The following KIAA1217 variants were observed in gnomAD, a reference collection of about 807,000 sequenced individuals.
The protein encoded by KIAA1217 is KIAA1217, also known as sickle tail protein homolog.
KIAA1217 carries 88 observed loss-of-function variants against 163.9 expected under a neutral mutation model. The observed-to-expected ratio is 0.54, with a 90% CI of 0.45 to 0.64. KIAA1217 has a LOEUF of 0.64. Among genes scored for constraint, KIAA1217 ranks in the 30% least tolerant of loss-of-function variants. KIAA1217 has a pLI of 0.00. For missense variants in KIAA1217, 2,372 were observed against 2,475.0 expected (o/e 0.96, Z 0.88); for synonymous variants, 903 against 923.1 (o/e 0.98, Z 0.39).
At chr10:23,933,412 C>T (rs1843339114) in intron 1 of KIAA1217, among the ~76,000 whole-genome samples, 1 of 152,184 alleles carries the variant, frequency 6.6e-6, no homozygotes, top group South Asian at 2.1e-4. Flanking sequence ...GAGCAGGGCT[C>T]CTACCTCTCC....
intron 2 of KIAA1217, among the ~76,000 whole-genome samples, chr10:24,187,638 C>T (rs2066500525): frequency 6.6e-6 from 1 of 152,176 alleles, no homozygotes. Flanking sequence ...CGCCTATAAT[C>T]CCAGCACTTT....
intron 2 of KIAA1217, among the ~76,000 whole-genome samples, chr10:24,038,039 C>A (rs952389819): frequency 5.3e-5 from 8 of 152,306 alleles, no homozygotes; most frequent in African/African-American, 1.7e-4. Context: ...AACCTCTCTT[C>A]TTTATTTCTG....
chr10:24,370,035 G>T (rs1353596316), intron 2 of KIAA1217, among the ~76,000 whole-genome samples: 2 of 152,052 alleles, frequency 1.3e-5, no homozygotes, highest in African/African-American at 4.8e-5. Context: ...GGAGGCCGAG[G>T]CAGGTAGATC....
chr10:24,509,903 G>A (rs1314134052), intron 9 of KIAA1217, among the ~76,000 whole-genome samples: 3 of 152,056 alleles, frequency 2.0e-5, no homozygotes, highest in Non-Finnish European at 4.4e-5. Context: ...CATTATAAAG[G>A]TCTTCATCCT....
At chr10:23,843,888 AT>A (rs1209898619) in intron 1 of KIAA1217, among the ~76,000 whole-genome samples, 1 of 152,134 alleles carries the variant, frequency 6.6e-6, no homozygotes, top group Non-Finnish European at 1.5e-5. Flanking sequence ...GGGTCTTAAC[AT>A]TCCGTAAATA....
intron 1 of KIAA1217, among the ~76,000 whole-genome samples, chr10:23,958,817 A>G (rs11013813): frequency 0.15 from 23,245 of 151,682 alleles, 3,900 homozygotes; most frequent in African/African-American, 0.42. Context: ...ATTTCTTGCT[A>G]TCTTTCATCT....
rs564992316 is a variant in KIAA1217, at chr10:24,421,714, A to G, written c.554-11281A>G. ...GTGTGTTGGATTTTTCTTAACATTT[A>G]GCTGACTCTGTTAAGATAAGTGTAT... On this transcript the variant is annotated intron_variant, in intron 3 of 20. Transcript: ENST00000376454. Among the ~76,000 whole-genome samples, 9 of 152,200 alleles carry G rather than the reference A, an allele frequency of 5.9e-5. No homozygotes were observed. In the South Asian group the frequency reaches 1.9e-3, roughly 32 times the overall value.
At chr10:24,269,065 G>C (rs1461258134) in intron 2 of KIAA1217, among the ~76,000 whole-genome samples, 4 of 115,650 alleles carry the variant, frequency 3.5e-5, no homozygotes, top group South Asian at 3.7e-4. Context: ...GTGGTGGGGT[G>C]GGGGGAGGGG....
chr10:23,808,108 A>C (rs1033618347), intron 1 of KIAA1217, among the ~76,000 whole-genome samples: 1 of 152,242 alleles, frequency 6.6e-6, no homozygotes, highest in Non-Finnish European at 1.5e-5. Context: ...GATTTATACT[A>C]TCTATGTGGT....
chr10:23,934,060 A>C (rs114186952), intron 1 of KIAA1217, among the ~76,000 whole-genome samples: 6,013 of 152,260 alleles, frequency 0.039, 388 homozygotes, highest in African/African-American at 0.14. Context: ...AGAACTATAA[A>C]TCATTCTACT....
At chr10:24,467,712 TGATAA>T (rs1235401483) in intron 5 of KIAA1217, among the ~76,000 whole-genome samples, 1 of 152,076 alleles carries the variant, frequency 6.6e-6, no homozygotes, top group Non-Finnish European at 1.5e-5. Flanking sequence ...GGAAAAGAGA[TGATAA>T]GATTAGTAGC....
intron 2 of KIAA1217, among the ~76,000 whole-genome samples, chr10:24,297,370 A>G (rs930874855): frequency 3.3e-5 from 5 of 152,224 alleles, no homozygotes; most frequent in African/African-American, 1.2e-4. Context: ...TGGAAGTAGC[A>G]TCCACACACA....
intron 2 of KIAA1217, among the ~76,000 whole-genome samples, chr10:24,344,856 T>C (rs7072844): frequency 0.085 from 12,936 of 152,288 alleles, 568 homozygotes; most frequent in Non-Finnish European, 0.093. Flanking sequence ...TAAAACAGAC[T>C]GTGGATTCAG....
chr10:24,084,558 G>A (rs369216580), intron 2 of KIAA1217, among the ~76,000 whole-genome samples: 1 of 152,202 alleles, frequency 6.6e-6, no homozygotes, highest in African/African-American at 2.4e-5. Context: ...AGAGAAGACT[G>A]AGAGCAGAGA....
chr10:24,460,483 T>G (rs2062286632), intron 5 of KIAA1217, among the ~76,000 whole-genome samples: 2 of 152,302 alleles, frequency 1.3e-5, no homozygotes, highest in Admixed American at 6.5e-5. Flanking sequence ...TTCATGTTTA[T>G]TTTGAGGAAA....
At chr10:24,109,538 A>G (rs1402058023) in intron 2 of KIAA1217, among the ~76,000 whole-genome samples, 1 of 152,144 alleles carries the variant, frequency 6.6e-6, no homozygotes, top group Non-Finnish European at 1.5e-5. Context: ...AAATGAACAG[A>G]TGGAAACTGG....
At chr10:24,208,745 G>T (rs1053672323), upstream of KIAA1217, 3 of 154,710 alleles carry the variant, frequency 1.9e-5, no homozygotes, top group Non-Finnish European at 4.3e-5. Flanking sequence ...CCCAGCGAAG[G>T]CTCTCGGCCT....
chr10:24,069,450 A>C (rs1032640736), intron 2 of KIAA1217, among the ~76,000 whole-genome samples: 2 of 152,168 alleles, frequency 1.3e-5, no homozygotes, highest in African/African-American at 4.8e-5. Context: ...TCCCATCAGC[A>C]CTCTGAGACA....
intron 2 of KIAA1217, among the ~76,000 whole-genome samples, chr10:24,369,610 A>G (rs1123509): frequency 0.32 from 48,339 of 152,030 alleles, 8,502 homozygotes; most frequent in African/African-American, 0.48. Context: ...GGTTGCAGAG[A>G]TGAGCTTAAA....
Sources: gnomAD v4.1 joint callset for allele counts (sites outside exome capture counted in the v4.1 genomes callset) on GRCh38, gnomAD v4.1.1 for gene constraint, MANE v1.5 for transcripts, NCBI Gene and HGNC (gene_info 2026-07-23, HGNC 2026-07-21) for gene names.